The following NPIPB5 variants were observed in gnomAD, a reference collection of about 807,000 sequenced individuals.
NPIPB5 encodes nuclear pore complex interacting protein family member B5.
For missense variants in NPIPB5, 10 were observed against 414.7 expected (o/e 0.02, Z 8.48); for synonymous variants, 1 against 168.2 (o/e 0.01, Z 7.69).
rs1368381305 is a variant in NPIPB5 at position 22,514,899 on chromosome 16, C to T, written c.120+978C>T. On this transcript the variant is annotated intron_variant, in intron 1 of 6. Transcript: ENST00000424340. ...ACACACACACACACACACACACACA[C>T]ATATTTTTTGAGACAGAGTTTCACT... is the stretch of plus-strand genomic sequence containing the variant. Among the ~76,000 whole-genome samples, 18 of 36,686 alleles carry T rather than the reference C, an allele frequency of 4.9e-4. 1 individual carries two copies. The highest frequency in any genetic ancestry group is 2.4e-3 in the African/African-American group (8 of 3,278). The allele number at this position is 36,686 out of a possible 152,430, so 24.1% of individuals were successfully genotyped here. A position where few individuals can be genotyped will look rare whatever the true frequency, so the allele number is the denominator to read the frequency against.
chr16:22,510,987 C>T (rs1434441824), upstream of NPIPB5, among the ~76,000 whole-genome samples: 1 of 14,442 alleles, frequency 6.9e-5, no homozygotes, highest in Non-Finnish European at 9.7e-5. Flanking sequence ...TCTCCTGTCT[C>T]AGCCTCCCGA....
At chr16:22,510,577 C>A (rs1275376650), upstream of NPIPB5, among the ~76,000 whole-genome samples, 29 of 23,492 alleles carry the variant, frequency 1.2e-3, no homozygotes, top group East Asian at 4.9e-3. Flanking sequence ...GAGCCGAGAT[C>A]CCACCACTGC....
upstream of NPIPB5, among the ~76,000 whole-genome samples, chr16:22,510,468 C>G (rs367815556): frequency 2.6e-4 from 3 of 11,346 alleles, no homozygotes; most frequent in East Asian, 5.5e-3. Flanking sequence ...ACTAAAAATA[C>G]AAAAAATTAG....
exon 4 of NPIPB5, chr16:22,527,855 A>G: frequency 1.1e-5 from 1 of 91,166 alleles, no homozygotes; most frequent in Non-Finnish European, 1.8e-5. Flanking sequence ...GAAAGACGTC[A>G]TTACTCTACG....
intron 1 of NPIPB5, among the ~76,000 whole-genome samples, chr16:22,518,156 G>A (rs1391903580): frequency 3.2e-4 from 14 of 43,474 alleles, no homozygotes; most frequent in Admixed American, 2.5e-3. Context: ...CTTGTGATCC[G>A]CCCACCTCGG....
exon 7 of NPIPB5, chr16:22,535,329 C>T: frequency 1.8e-4 from 1 of 5,712 alleles, no homozygotes; most frequent in Non-Finnish European, 5.4e-4. Flanking sequence ...CGAGCGTCTG[C>T]GGGGGCCGCT....
intron 4 of NPIPB5, among the ~76,000 whole-genome samples, chr16:22,528,658 T>C (rs2049837691): frequency 1.4e-5 from 2 of 138,096 alleles, no homozygotes; most frequent in Middle Eastern, 3.4e-3. Context: ...CCCGAGTAGC[T>C]TGGATTACAG....
chr16:22,536,508 AAAAAT>A (rs759266204), downstream of NPIPB5: 455 of 148,324 alleles, frequency 3.1e-3, no homozygotes, highest in Non-Finnish European at 4.6e-3. Flanking sequence ...TAAATAATAT[AAAAAT>A]AAAATAAATA....
upstream of NPIPB5, among the ~76,000 whole-genome samples, chr16:22,510,410 A>G (rs373675185): frequency 4.3e-3 from 11 of 2,588 alleles, no homozygotes; most frequent in East Asian, 0.044. Context: ...AGATCACGAG[A>G]TCAGGAGATT....
intron 1 of NPIPB5, among the ~76,000 whole-genome samples, chr16:22,514,904 T>TCACACACA: frequency 4.5e-5 from 1 of 22,100 alleles, no homozygotes; most frequent in East Asian, 1.7e-3. Context: ...ACACACATAT[T>TCACACACA]TTTTGAGACA....
At chr16:22,529,605 C>CAA (rs1321916383) in intron 4 of NPIPB5, among the ~76,000 whole-genome samples, 5 of 147,728 alleles carry the variant, frequency 3.4e-5, no homozygotes, top group African/African-American at 1.3e-4. Flanking sequence ...AAATGGGTTC[C>CAA]AAATGCGAGG....
chr16:22,528,784 G>GCCTCCAC (rs2049843504), intron 4 of NPIPB5, among the ~76,000 whole-genome samples: 1 of 120,770 alleles, frequency 8.3e-6, no homozygotes, highest in African/African-American at 2.9e-5. Context: ...GCTCACTGCA[G>GCCTCCAC]CCTCCACCTC....
intron 4 of NPIPB5, among the ~76,000 whole-genome samples, chr16:22,529,410 C>T (rs1349071058): frequency 1.3e-5 from 2 of 149,212 alleles, no homozygotes; most frequent in African/African-American, 4.9e-5. Flanking sequence ...TTCCTGTCCA[C>T]CTTTATTCTG....
Position 22,528,199 on chromosome 16 carries a change from T to C in NPIPB5, c.545+226T>C, listed in dbSNP as rs1361565717. 13 of 341,500 alleles carry C rather than the reference T, an allele frequency of 3.8e-5. No individual in the cohort carries two copies. In the East Asian group the frequency reaches 6.4e-4, roughly 17 times the overall value. The allele number at this position is 341,500 out of a possible 1,614,324, so 21.2% of individuals were successfully genotyped here. The stretch of plus-strand genomic sequence containing the variant: ...GGAAGAGGAGTTGCTAGTACTGGCA[T>C]TGGTTTTCCTTTCTCTTTTTTTTTT... On this transcript the variant is annotated intron_variant, in intron 4 of 6. Transcript: ENST00000424340.
intron 1 of NPIPB5, among the ~76,000 whole-genome samples, chr16:22,518,004 C>T (rs1328430024): frequency 8.6e-6 from 1 of 115,980 alleles, no homozygotes; most frequent in African/African-American, 3.1e-5. Flanking sequence ...CAGACTCTGC[C>T]TCCCGGGTTC....
At chr16:22,528,319 G>A (rs2049828743) in intron 4 of NPIPB5, among the ~76,000 whole-genome samples, 1 of 52,872 alleles carries the variant, frequency 1.9e-5, no homozygotes. Flanking sequence ...TTGGGTTCAA[G>A]CAATTCTCCT....
intron 1 of NPIPB5, among the ~76,000 whole-genome samples, chr16:22,517,879 T>C (rs1323539007): frequency 7.3e-6 from 1 of 136,512 alleles, no homozygotes; most frequent in Non-Finnish European, 1.6e-5. Context: ...ATAAAAAGAA[T>C]TGAATTCCAT....
At chr16:22,518,019 T>G (rs1208360302) in intron 1 of NPIPB5, among the ~76,000 whole-genome samples, 1 of 99,708 alleles carries the variant, frequency 1.0e-5, no homozygotes, top group Non-Finnish European at 2.1e-5. Flanking sequence ...GGGTTCAAAC[T>G]ATTCTCCTGC....
At chr16:22,536,192 A>G in exon 7 of NPIPB5, 2 of 26,148 alleles carry the variant, frequency 7.6e-5, no homozygotes. Flanking sequence ...CCCGAACCCA[A>G]GAGGCGGAGG....
Sources: gnomAD v4.1 joint callset for allele counts (sites outside exome capture counted in the v4.1 genomes callset) on GRCh38, gnomAD v4.1.1 for gene constraint, MANE v1.5 for transcripts, NCBI Gene and HGNC (gene_info 2026-07-23, HGNC 2026-07-21) for gene names.